The following RAPGEFL1 variants were observed in gnomAD, a reference collection of about 807,000 sequenced individuals.
RAPGEFL1 encodes the protein Rap guanine nucleotide exchange factor like 1, also known as rap guanine nucleotide exchange factor-like 1.
Under a neutral mutation model 64.4 loss-of-function variants are expected in RAPGEFL1, and 31 were observed. The ratio of observed to expected loss-of-function variants is 0.48; its 90% CI spans 0.36 to 0.65. The LOEUF is 0.65. Among genes scored for constraint, RAPGEFL1 ranks in the 30% least tolerant of loss-of-function variants. The pLI, the probability that RAPGEFL1 is intolerant of heterozygous loss-of-function variation, is 0.00. For missense variants in RAPGEFL1, 682 were observed against 677.4 expected, an observed-to-expected ratio of 1.01 and a Z score of -0.08; for synonymous variants, 331 against 274.1, an observed-to-expected ratio of 1.21 and a Z score of -2.05.
Position 40,191,356 on chromosome 17 carries a change from G to T in RAPGEFL1, c.1376G>T (p.Arg459Leu), listed in dbSNP as rs1212956844. 1.9e-6 allele frequency: 3 copies of T among 1,592,434 alleles called. No homozygotes were observed. Among genetic ancestry groups the T allele is most frequent in the African/African-American group, 1.3e-5 (1 of 74,374 alleles). ...TACGTGTTCCACGGGGAGCGCGGCC[G>T]CCGGGAGACGGCCAACTTGGAGCTG... The part of the protein sequence containing the change: ...VDYVFHGERG[R>L]RETANLELLL... Residue 459 changes from arginine (R) to leucine (L), a missense_variant, in exon 9 of 15, where the codon CGC becomes CTC. Coordinates refer to ENST00000620260, the MANE Select transcript of RAPGEFL1 (RefSeq NM_016339.6). The surrounding 1 kb of genome is among the most constrained non-coding windows in gnomAD (Gnocchi z 5.1).
chr17:40,190,319 T>C lies in RAPGEFL1; in HGVS notation c.1115-115T>C, dbSNP rs1990215398. ...AAACTAGTGATAAGATGAGTTCCATTAGTCTAGAATGTGTCAGTGTGGGGT... is the reference window on the plus strand; with the variant it reads ...AAACTAGTGATAAGATGAGTTCCATCAGTCTAGAATGTGTCAGTGTGGGGT... On this transcript the variant is annotated intron_variant, in intron 6 of 14. Transcript: ENST00000620260. 7 of 759,052 alleles carry C rather than the reference T, an allele frequency of 9.2e-6. No homozygotes were observed. In the East Asian group the frequency reaches 1.6e-4, roughly 17 times the overall value. 47.0% of individuals were successfully genotyped at this position (759,052 alleles called of 1,614,324 possible). A position where few individuals can be genotyped will look rare whatever the true frequency, so the allele number is the denominator to read the frequency against.
intron 4 of RAPGEFL1, among the ~76,000 whole-genome samples, chr17:40,188,375 G>T (rs2145216346): frequency 6.6e-6 from 1 of 152,174 alleles, no homozygotes; most frequent in Non-Finnish European, 1.5e-5. Context: ...CTCCTGCCTG[G>T]TATTAGAAGT....
chr17:40,177,854 G>GT lies in RAPGEFL1; in HGVS notation c.-8_-7insT. 1 of 428,182 alleles carries GT rather than the reference G, an allele frequency of 2.3e-6. No individual in the cohort carries two copies. Among genetic ancestry groups the GT allele is most frequent in the Non-Finnish European group, 4.1e-6 (1 of 241,240 alleles). The allele number at this position is 428,182 out of a possible 1,614,324, so 26.5% of individuals were successfully genotyped here. On this transcript the variant is annotated 5_prime_UTR_variant, in exon 1 of 15. Transcript: ENST00000620260. ...CCGGCGACCCCTAGGAGAGGGGCGG[G>GT]GGGGGGCATGAAGCCGCTGGAGAAA...
chr17:40,183,491 C>G (rs1227093156), intron 2 of RAPGEFL1, among the ~76,000 whole-genome samples: 1 of 151,416 alleles, frequency 6.6e-6, no homozygotes, highest in Non-Finnish European at 1.5e-5. Context: ...GGCAATTTAG[C>G]CTCCCATCTT....
chr17:40,191,773 G>GCCAGTTGGAGGGAGGCGCCCT lies in RAPGEFL1; in HGVS notation c.1605+103_1605+123dup. On this transcript the variant is annotated intron_variant, in intron 10 of 14. Transcript: ENST00000620260. The surrounding 1 kb of genome is among the most constrained non-coding windows in gnomAD (Gnocchi z 5.1). ...CCGCCGGCCTGGAGGGAGTCTTTGC[G>GCCAGTTGGAGGGAGGCGCCCT]CCAGTTGGAGGGAGGCGCCCTCTTC... The GCCAGTTGGAGGGAGGCGCCCT allele has an allele frequency of 3.3e-6, 4 of 1,221,140 alleles. No individual in the cohort carries two copies. Among genetic ancestry groups the GCCAGTTGGAGGGAGGCGCCCT allele is most frequent in the Non-Finnish European group, 4.7e-6 (4 of 853,090 alleles). 75.6% of individuals were successfully genotyped at this position (1,221,140 alleles called of 1,614,324 possible).
chr17:40,177,851 C>T lies in RAPGEFL1; in HGVS notation c.-11C>T, dbSNP rs940391495. 3 of 412,772 alleles carry T rather than the reference C, an allele frequency of 7.3e-6. No individual in the cohort carries two copies. Among genetic ancestry groups the T allele is most frequent in the Non-Finnish European group, 1.3e-5 (3 of 233,102 alleles). 25.6% of individuals were successfully genotyped at this position (412,772 alleles called of 1,614,324 possible). A position where few individuals can be genotyped will look rare whatever the true frequency, so the allele number is the denominator to read the frequency against. Reference sequence around the variant, plus strand: ...CCCCCGGCGACCCCTAGGAGAGGGGCGGGGGGGGGCATGAAGCCGCTGGAG... The same window carrying T: ...CCCCCGGCGACCCCTAGGAGAGGGGTGGGGGGGGGCATGAAGCCGCTGGAG... On this transcript the variant is annotated 5_prime_UTR_variant, in exon 1 of 15. Coordinates refer to ENST00000620260, the MANE Select transcript of RAPGEFL1 (RefSeq NM_016339.6).
Position 40,184,599 on chromosome 17 carries a change from A to G in RAPGEFL1, c.754A>G (p.Met252Val). ...TCTCCAGGATCTATACCTGCTAATT[A>G]TGAAGGACGAGTCCCTTTACCAGGG... ...HIIKDLYLLI[M>V]KDESLYQGLR... The change falls in exon 4 of 15, where the codon ATG (methionine) becomes GTG (valine). Residue 252 changes from methionine (M) to valine (V), a missense_variant. By Grantham distance (21) the Met-to-Val change is conservative (BLOSUM62 1). This residue lies in a region of RAPGEFL1 where 271 missense variants were observed against 158.0 expected (regional missense o/e 1.72). Transcript: ENST00000620260. 1.3e-6 allele frequency: 2 copies of G among 1,563,020 alleles called. No homozygotes were observed. Among genetic ancestry groups the G allele is most frequent in the Non-Finnish European group, 1.8e-6 (2 of 1,140,884 alleles).
At chr17:40,177,147 CTT>C (rs1485444098), upstream of RAPGEFL1, 8 of 702,480 alleles carry the variant, frequency 1.1e-5, no homozygotes, top group Non-Finnish European at 1.8e-5. Flanking sequence ...GGTGCACACT[CTT>C]GGGTTCAGCA....
At chr17:40,190,919 A>G in intron 8 of RAPGEFL1, 157 bp downstream of exon 8, 7 of 1,230,898 alleles carry the variant, frequency 5.7e-6, no homozygotes, top group Non-Finnish European at 7.8e-6. Context: ...TCTGAAAAAA[A>G]TCGCAAAGAG....
In RAPGEFL1 at chr17:40,191,279, T is replaced by C; in HGVS notation, c.1336-37T>C. The C allele has an allele frequency of 7.5e-7, 1 of 1,327,180 alleles. No homozygotes were observed. Among genetic ancestry groups the C allele is most frequent in the Non-Finnish European group, 9.8e-7 (1 of 1,020,914 alleles). 82.2% of individuals were successfully genotyped at this position (1,327,180 alleles called of 1,614,324 possible). ...CTTCCCACCCACTCCCCTCACCCCC[T>C]GGCGCCCTGGCCGCCCCTCCGCTGC... On this transcript the variant is annotated intron_variant, in intron 8 of 14. Transcript: ENST00000620260. The surrounding 1 kb of genome is among the most constrained non-coding windows in gnomAD (Gnocchi z 5.1).
In RAPGEFL1 at chr17:40,188,895, A is replaced by C; in HGVS notation, c.863A>C (p.Lys288Thr). Residue 288 changes from lysine (K) to threonine (T), a missense_variant, in exon 5 of 15, where the codon AAG becomes ACG. Physicochemically the swap from Lys to Thr is moderately conservative, Grantham distance 78. Around this residue, in one of 2 missense-constraint regions of RAPGEFL1, gnomAD observed 411 missense variants for 519.4 expected, o/e 0.79. Coordinates refer to ENST00000620260, the MANE Select transcript of RAPGEFL1 (RefSeq NM_016339.6). The part of the protein sequence containing the change: ...KIPEENQPPS[K>T]QVKPLFRHFR... The stretch of plus-strand genomic sequence containing the variant: ...CCAGAGGAGAACCAGCCACCCAGCA[A>C]GCAGGTGAAGCCACTCTTCCGCCAC... 1 of 1,614,178 alleles carries C rather than the reference A, an allele frequency of 6.2e-7. No individual in the cohort carries two copies. Among genetic ancestry groups the C allele is most frequent in the Non-Finnish European group, 8.5e-7 (1 of 1,180,034 alleles).
Position 40,184,286 on chromosome 17 carries a change from C to A in RAPGEFL1, c.672C>A (p.Leu224=), listed in dbSNP as rs1442980538. ...GRKQACLAML[L]HFLDTYQGLL... ...AGCAAGCCTGTCTAGCCATGCTTCT[C>A]CATTTCTTGGACACCTACCAGGGGC... Residue 224 remains leucine, a synonymous_variant, in exon 3 of 15, where the codon CTC becomes CTA. Coordinates refer to ENST00000620260, the MANE Select transcript of RAPGEFL1 (RefSeq NM_016339.6). 1 of 1,613,902 alleles carries A rather than the reference C, an allele frequency of 6.2e-7. No homozygotes were observed. Among genetic ancestry groups the A allele is most frequent in the Non-Finnish European group, 8.5e-7 (1 of 1,179,954 alleles).
At chr17:40,185,115 G>C (rs1203874563) in intron 4 of RAPGEFL1, among the ~76,000 whole-genome samples, 1 of 152,156 alleles carries the variant, frequency 6.6e-6, no homozygotes, top group Non-Finnish European at 1.5e-5. Context: ...TCTCACTGAA[G>C]GGTGGCACAA....
chr17:40,191,767 CTT>C lies in RAPGEFL1; in HGVS notation c.1605+97_1605+98del, dbSNP rs1990282125. 1 of 1,302,078 alleles carries C rather than the reference CTT, an allele frequency of 7.7e-7. No individual in the cohort carries two copies. Among genetic ancestry groups the C allele is most frequent in the Admixed American group, 2.1e-5 (1 of 48,322 alleles). The allele number at this position is 1,302,078 out of a possible 1,614,324, so 80.7% of individuals were successfully genotyped here. On this transcript the variant is annotated intron_variant, in intron 10 of 14. Transcript: ENST00000620260. This position sits in a 1 kb window ranked among gnomAD's most constrained non-coding sequence, Gnocchi z 5.1. Reference sequence around the variant, plus strand: ...GGACGGCCGCCGGCCTGGAGGGAGTCTTTGCGCCAGTTGGAGGGAGGCGCCCT... The same window carrying C: ...GGACGGCCGCCGGCCTGGAGGGAGTCTGCGCCAGTTGGAGGGAGGCGCCCT...
At position 40,191,777 on chromosome 17, in the gene RAPGEFL1, G is replaced by A. The variant is rs1161821062; in HGVS notation, c.1605+105G>A. On this transcript the variant is annotated intron_variant, in intron 10 of 14. Transcript: ENST00000620260. The surrounding 1 kb of genome is among the most constrained non-coding windows in gnomAD (Gnocchi z 5.1). ...CGGCCTGGAGGGAGTCTTTGCGCCA[G>A]TTGGAGGGAGGCGCCCTCTTCTGGC... is the stretch of plus-strand genomic sequence containing the variant. The A allele has an allele frequency of 1.7e-6, 2 of 1,175,370 alleles. No homozygotes were observed. Among genetic ancestry groups the A allele is most frequent in the Non-Finnish European group, 2.5e-6 (2 of 813,378 alleles). 72.8% of individuals were successfully genotyped at this position (1,175,370 alleles called of 1,614,324 possible).
Position 40,192,226 on chromosome 17 carries a change from A to G in RAPGEFL1, c.1619A>G (p.Lys540Arg), listed in dbSNP as rs755127272. The change falls in exon 11 of 15, where the codon AAA (lysine) becomes AGA (arginine). Residue 540 changes from lysine to arginine, a missense_variant. Physicochemically the swap from Lys to Arg is conservative, Grantham distance 26. Transcript: ENST00000620260. ...CAAACTCTGCAGAAGCTGCCAGGGA[A>G]ATTCAAGAACTTGTTTCGCAAATTT... ...LRLTWEKLPG[K>R]FKNLFRKFEN... 2.5e-6 allele frequency: 4 copies of G among 1,613,994 alleles called. No homozygotes were observed. The Admixed American group carries it at 6.7e-5, about 27-fold the overall frequency.
intron 6 of RAPGEFL1, 133 bp downstream of exon 6, chr17:40,189,508 C>A: frequency 9.7e-7 from 1 of 1,026,716 alleles, no homozygotes. Context: ...GCCTCATGTG[C>A]ATCGCCTGGG....
Position 40,189,341 on chromosome 17 carries a change from T to G in RAPGEFL1, c.1080T>G (p.Asp360Glu). 6.2e-7 allele frequency: 1 copy of G among 1,614,166 alleles called. No individual in the cohort carries two copies. Among genetic ancestry groups the G allele is most frequent in the Non-Finnish European group, 8.5e-7 (1 of 1,180,022 alleles). The change falls in exon 6 of 15, where the codon GAT becomes GAG. Residue 360 changes from aspartate to glutamate, a missense_variant. By Grantham distance (45) the Asp-to-Glu change is conservative. This residue lies in a region of RAPGEFL1 where 411 missense variants were observed against 519.4 expected (regional missense o/e 0.79). Transcript: ENST00000620260. ...QYSEEPAGRE[D>E]SLILVAVSSS... ...CAGAGGAGCCCGCGGGGCGTGAGGA[T>G]TCCCTCATCCTGGTAGCTGTGTCCT...
chr17:40,183,679 C>T (rs1468519122), intron 2 of RAPGEFL1, among the ~76,000 whole-genome samples: 1 of 150,606 alleles, frequency 6.6e-6, no homozygotes, highest in Admixed American at 6.7e-5. Flanking sequence ...GCCACCACTC[C>T]CAGCTAATTT....
Sources: gnomAD v4.1 joint callset for allele counts (sites outside exome capture counted in the v4.1 genomes callset) on GRCh38, gnomAD v4.1.1 for gene constraint, gnomAD v4.1.1 regional missense constraint, Gnocchi (gnomAD v3.1) non-coding constraint, MANE v1.5 for transcripts, NCBI Gene and HGNC (gene_info 2026-07-23, HGNC 2026-07-21) for gene names.